The following MYO18B variants were observed in gnomAD, a reference collection of about 807,000 sequenced individuals.
MYO18B encodes unconventional myosin-XVIIIb.
A neutral mutation model predicts 273.0 loss-of-function variants in MYO18B; 204 were observed. The ratio of observed to expected loss-of-function variants is 0.75; its 90% CI spans 0.67 to 0.84. The LOEUF is 0.84. MYO18B is among the 40% of genes least tolerant of loss of function. MYO18B has a pLI of 0.00. For missense variants in MYO18B, 3,212 were observed against 3,287.6 expected (o/e 0.98, Z 0.56); for synonymous variants, 1,330 against 1,305.7 (o/e 1.02, Z -0.40).
At chr22:25,901,662 A>AT (rs1311563786) in intron 29 of MYO18B, 1 of 152,174 alleles carries the variant, frequency 6.6e-6, no homozygotes, top group African/African-American at 2.4e-5. Flanking sequence ...ATATGTTAAA[A>AT]TATGAAATGT....
intron 12 of MYO18B, among the ~76,000 whole-genome samples, chr22:25,799,641 G>A (rs1454627409): frequency 6.6e-6 from 1 of 152,172 alleles, no homozygotes; most frequent in Non-Finnish European, 1.5e-5. Flanking sequence ...TAGAATCTTC[G>A]AGAAGGTGCT....
intron 1 of MYO18B, among the ~76,000 whole-genome samples, chr22:25,757,119 T>C (rs1278223469): frequency 6.6e-6 from 1 of 152,182 alleles, no homozygotes; most frequent in Non-Finnish European, 1.5e-5. Flanking sequence ...TATAGAACAC[T>C]AGTACTTACA....
chr22:25,917,545 GGTGT>G lies in MYO18B; in HGVS notation c.5365-3679_5365-3676del, dbSNP rs3070569. Among the ~76,000 whole-genome samples the G allele has an allele frequency of 5.5e-3, 777 of 142,238 alleles. 2 individuals carry two copies. The highest frequency in any genetic ancestry group is 0.018 in the African/African-American group (694 of 38,222). The allele number at this position is 142,238 out of a possible 152,430, so 93.3% of individuals were successfully genotyped here. Reference sequence around the variant, plus strand: ...CTATTTCATTTTAAAGCTTTGTAGGGGTGTGTGTGTGTGTGTGTGTGTGTGTGTG... The same window carrying G: ...CTATTTCATTTTAAAGCTTTGTAGGGGTGTGTGTGTGTGTGTGTGTGTGTG... On this transcript the variant is annotated intron_variant, in intron 33 of 43. Coordinates refer to ENST00000335473, the MANE Select transcript of MYO18B (RefSeq NM_032608.7).
At chr22:25,919,970 T>G (rs1159970146) in intron 33 of MYO18B, among the ~76,000 whole-genome samples, 1 of 151,382 alleles carries the variant, frequency 6.6e-6, no homozygotes, top group Admixed American at 6.6e-5. Flanking sequence ...GGATAGGGTG[T>G]TTTTTTTAAC....
the MYO18B span, among the ~76,000 whole-genome samples, chr22:26,040,511 C>T: frequency 6.6e-6 from 1 of 152,028 alleles, no homozygotes; most frequent in African/African-American, 2.4e-5. Flanking sequence ...GTGAACTATA[C>T]AAGATATTAG....
Position 25,955,840 on chromosome 22 carries a change from C to T in MYO18B, c.6156+476C>T, listed in dbSNP as rs1439386227. Among the ~76,000 whole-genome samples, 3 of 152,142 alleles carry T rather than the reference C, an allele frequency of 2.0e-5. No homozygotes were observed. The East Asian group carries it at 5.8e-4, about 29-fold the overall frequency. On this transcript the variant is annotated intron_variant, in intron 39 of 43. Coordinates refer to ENST00000335473, the MANE Select transcript of MYO18B (RefSeq NM_032608.7). The stretch of plus-strand genomic sequence containing the variant: ...CCGAGCCTTCCAGAAGGGGAGATGA[C>T]TAGTCTAAGGCCACATCTAGTAAAC...
In MYO18B at chr22:25,987,700, G is replaced by A. The variant is rs564305369; in HGVS notation, c.6157-4663G>A. On this transcript the variant is annotated intron_variant, in intron 39 of 43. Transcript: ENST00000335473. ...AAGTGAGGACTTTATTTGTATTGCC[G>A]GCACCTAGATCAGTGCTGCGCCTCA... Among the ~76,000 whole-genome samples the A allele has an allele frequency of 9.9e-5, 15 of 151,880 alleles. 1 individual carries two copies. In the South Asian group the frequency reaches 1.0e-3, roughly 11 times the overall value.
At chr22:25,850,485 C>G (rs2090393486) in intron 20 of MYO18B, among the ~76,000 whole-genome samples, 1 of 152,078 alleles carries the variant, frequency 6.6e-6, no homozygotes, top group African/African-American at 2.4e-5. Context: ...TAACATAGGC[C>G]CATGAGTGTC....
At position 25,828,865 on chromosome 22, in the gene MYO18B, G is replaced by C; in HGVS notation, c.2876G>C (p.Arg959Pro). The C allele has an allele frequency of 6.2e-7, 1 of 1,613,938 alleles. No individual in the cohort carries two copies. Among genetic ancestry groups the C allele is most frequent in the Non-Finnish European group, 8.5e-7 (1 of 1,179,880 alleles). ...AACCCCCGGCACCAGGGCAAGGACCGGGCGGCCACCTTTGAGGAGCTGTGC... is the reference window on the plus strand; with the variant it reads ...AACCCCCGGCACCAGGGCAAGGACCCGGCGGCCACCTTTGAGGAGCTGTGC... ...FQNPRHQGKD[R>P]AATFEELCHN... Residue 959 changes from arginine to proline, a missense_variant, in exon 15 of 44, where the codon CGG (arginine) becomes CCG (proline). Arg to Pro is a moderately radical substitution (Grantham distance 103). Transcript: ENST00000335473.
chr22:25,971,822 T>G (rs1365361361), intron 39 of MYO18B, among the ~76,000 whole-genome samples: 1 of 152,350 alleles, frequency 6.6e-6, no homozygotes, highest in South Asian at 2.1e-4. Flanking sequence ...AAGACATGGC[T>G]GCATGTCAAA....
At chr22:25,743,772 C>T (rs541540706) in intron 1 of MYO18B, among the ~76,000 whole-genome samples, 10 of 152,250 alleles carry the variant, frequency 6.6e-5, no homozygotes, top group Non-Finnish European at 7.4e-5. Context: ...TCTCCCCAGT[C>T]GGAACTTAGT....
chr22:25,798,229 G>A, intron 12 of MYO18B, 132 bp downstream of exon 12: 3 of 1,218,288 alleles, frequency 2.5e-6, no homozygotes, highest in South Asian at 3.3e-5. Context: ...ACTTCCCTTG[G>A]GGAGGCTGCT....
intron 33 of MYO18B, among the ~76,000 whole-genome samples, chr22:25,918,656 C>T (rs965454038): frequency 3.3e-5 from 5 of 152,108 alleles, no homozygotes; most frequent in African/African-American, 1.2e-4. Context: ...CAGTGAAGAT[C>T]GTAGAATCTG....
At chr22:25,985,705 A>T (rs932548550) in intron 39 of MYO18B, among the ~76,000 whole-genome samples, 1 of 151,488 alleles carries the variant, frequency 6.6e-6, no homozygotes, top group Non-Finnish European at 1.5e-5. Flanking sequence ...TCTCGGCTCA[A>T]TGCACCCTCC....
intron 22 of MYO18B, among the ~76,000 whole-genome samples, chr22:25,869,531 C>T (rs1056856749): frequency 1.3e-5 from 2 of 150,066 alleles, no homozygotes; most frequent in Admixed American, 1.3e-4. Flanking sequence ...AGGAACAGAC[C>T]AAAAGAAAGA....
Position 25,910,957 on chromosome 22 carries a change from G to A in MYO18B, c.5271G>A (p.Leu1757=), listed in dbSNP as rs1289373491. Residue 1757 remains leucine, a synonymous_variant, in exon 33 of 44, where the codon CTG becomes CTA. Coordinates refer to ENST00000335473, the MANE Select transcript of MYO18B (RefSeq NM_032608.7). ...CTGTGTATCCACAGCTTCATCAGCT[G>A]GAAATGCAGCTGGAGCAAGAGTATG... The part of the protein sequence containing the change: ...RQSCQKRLHQ[L]EMQLEQEYEE... The A allele has an allele frequency of 1.3e-6, 2 of 1,593,754 alleles. No individual in the cohort carries two copies. Among genetic ancestry groups the A allele is most frequent in the East Asian group, 2.3e-5 (1 of 44,136 alleles).
At chr22:25,917,564 G>GTGTGTGTGTGTGTGTGTGTGTGTT (rs1195540786) in intron 33 of MYO18B, among the ~76,000 whole-genome samples, 9 of 151,718 alleles carry the variant, frequency 5.9e-5, no homozygotes, top group African/African-American at 2.2e-4. Flanking sequence ...GTGTGTGTGT[G>GTGTGTGTGTGTGTGTGTGTGTGTT]TGTGTGTGTG....
At chr22:25,742,590 G>A (rs1011665216) in intron 1 of MYO18B, among the ~76,000 whole-genome samples, 8 of 152,152 alleles carry the variant, frequency 5.3e-5, no homozygotes, top group African/African-American at 1.9e-4. Flanking sequence ...TTTTAAAAAT[G>A]TGTTTAGAAT....
chr22:25,925,100 T>C (rs769155356), intron 34 of MYO18B, among the ~76,000 whole-genome samples: 5 of 152,194 alleles, frequency 3.3e-5, no homozygotes, highest in Non-Finnish European at 7.3e-5. Context: ...ACGGGTCCTA[T>C]TAACTTCTAT....
Sources: allele counts gnomAD v4.1 joint callset (sites outside exome capture counted in the v4.1 genomes callset), GRCh38; gene constraint gnomAD v4.1.1; transcripts MANE v1.5; gene names NCBI Gene and HGNC (gene_info 2026-07-23, HGNC 2026-07-21).